Variants in DPY19L4 observed in about 807,000 individuals in gnomAD.
DPY19L4 encodes probable C-mannosyltransferase DPY19L4.
A neutral mutation model predicts 102.8 loss-of-function variants in DPY19L4; 97 were observed. The observed-to-expected ratio is 0.94, with a 90% CI of 0.80 to 1.12. The LOEUF is 1.12. Ranked by LOEUF, DPY19L4 falls within the 50% of genes most tolerant of loss-of-function variation. DPY19L4 has a pLI of 0.00. For synonymous variants in DPY19L4, 252 were observed against 283.1 expected (o/e 0.89, Z 1.10); for missense variants, 815 against 850.4 (o/e 0.96, Z 0.52).
chr8:94,723,880 T>C (rs1199753589), intron 1 of DPY19L4, among the ~76,000 whole-genome samples: 1 of 152,124 alleles, frequency 6.6e-6, no homozygotes, highest in East Asian at 1.9e-4. Context: ...ATTTGTATGG[T>C]CCTTGATCAT....
intron 13 of DPY19L4, among the ~76,000 whole-genome samples, chr8:94,772,570 A>G (rs777445048): frequency 1.5e-4 from 23 of 152,240 alleles, no homozygotes; most frequent in Non-Finnish European, 2.1e-4. Context: ...ACGATGTGTG[A>G]CAGTACACAC....
chr8:94,780,330 T>C, intron 14 of DPY19L4, 29 bp from the exon 15 acceptor site: 1 of 1,437,582 alleles, frequency 7.0e-7, no homozygotes, highest in Non-Finnish European at 9.3e-7. Flanking sequence ...ATGTATTTAT[T>C]TGTAATCCTT....
chr8:94,728,273 C>A (rs36089811), intron 2 of DPY19L4, among the ~76,000 whole-genome samples: 2 of 152,216 alleles, frequency 1.3e-5, no homozygotes, highest in East Asian at 1.9e-4. Context: ...CACATCCCCC[C>A]ACTCTCAGTA....
At chr8:94,781,669 C>A (rs569735217) in intron 16 of DPY19L4, among the ~76,000 whole-genome samples, 2 of 152,178 alleles carry the variant, frequency 1.3e-5, no homozygotes, top group Non-Finnish European at 2.9e-5. Flanking sequence ...GATAGAAGAG[C>A]AAAATACCTA....
chr8:94,765,579 C>T, intron 9 of DPY19L4, 132 bp from the exon 10 acceptor site: 1 of 757,790 alleles, frequency 1.3e-6, no homozygotes, highest in Non-Finnish European at 2.2e-6. Flanking sequence ...CAAGTGATCC[C>T]CTATCTTTGG....
intron 7 of DPY19L4, among the ~76,000 whole-genome samples, chr8:94,761,125 G>A (rs1052553936): frequency 2.0e-5 from 3 of 152,178 alleles, no homozygotes; most frequent in Admixed American, 6.5e-5. Flanking sequence ...ACAGAGAGAA[G>A]TTAACATAAA....
intron 17 of DPY19L4, among the ~76,000 whole-genome samples, chr8:94,787,022 C>A (rs187879712): frequency 2.0e-5 from 3 of 152,100 alleles, no homozygotes; most frequent in Non-Finnish European, 1.5e-5. Context: ...AGGGGTTCTA[C>A]GAGCATCTTG....
At chr8:94,764,385 A>T (rs969383067) in intron 8 of DPY19L4, among the ~76,000 whole-genome samples, 4 of 151,624 alleles carry the variant, frequency 2.6e-5, no homozygotes, top group African/African-American at 9.7e-5. Context: ...GACCATCCTG[A>T]CTAACACGGT....
At chr8:94,788,636 GACGC>G (rs77323108) in intron 18 of DPY19L4, among the ~76,000 whole-genome samples, 38,614 of 139,178 alleles carry the variant, frequency 0.28, 5,977 homozygotes, top group East Asian at 0.75. Context: ...ACCTAAGACT[GACGC>G]ACGCGCGCGC....
At chr8:94,768,695 T>A in intron 12 of DPY19L4, 142 bp downstream of exon 12, 2 of 639,120 alleles carry the variant, frequency 3.1e-6, no homozygotes, top group Non-Finnish European at 4.7e-6. Flanking sequence ...ATGGAAAATA[T>A]CATTATAAGA....
chr8:94,787,862 C>T lies in DPY19L4; in HGVS notation c.1849-32C>T, dbSNP rs1018782015. The T allele has an allele frequency of 1.0e-5, 12 of 1,202,856 alleles. No homozygotes were observed. The African/African-American group carries it at 1.8e-4, about 18-fold the overall frequency. 74.5% of individuals were successfully genotyped at this position (1,202,856 alleles called of 1,614,324 possible). On this transcript the variant is annotated intron_variant, in intron 17 of 18. Transcript: ENST00000414645. The stretch of plus-strand genomic sequence containing the variant: ...CTTTAAATTTTATTTTAATTATATT[C>T]TTTCAGTTTTATTTTAATTATATTC...
intron 6 of DPY19L4, among the ~76,000 whole-genome samples, chr8:94,755,201 G>A (rs1812106377): frequency 6.6e-6 from 1 of 152,146 alleles, no homozygotes; most frequent in Admixed American, 6.6e-5. Flanking sequence ...TATTGAATTA[G>A]ATATCAAAAG....
chr8:94,733,943 C>T (rs1404774540), intron 2 of DPY19L4, among the ~76,000 whole-genome samples: 1 of 152,044 alleles, frequency 6.6e-6, no homozygotes, highest in East Asian at 1.9e-4. Flanking sequence ...TTATTATTAA[C>T]ATTTTACATT....
At chr8:94,763,254 C>CTTTTTT in intron 8 of DPY19L4, among the ~76,000 whole-genome samples, 1 of 104,904 alleles carries the variant, frequency 9.5e-6, no homozygotes, top group East Asian at 3.2e-4. Flanking sequence ...GCCAAGGTAT[C>CTTTTTT]TTTTTTTTTT....
intron 16 of DPY19L4, among the ~76,000 whole-genome samples, chr8:94,782,872 G>A (rs1586425031): frequency 6.6e-6 from 1 of 152,094 alleles, no homozygotes; most frequent in Non-Finnish European, 1.5e-5. Flanking sequence ...TTACATCTCT[G>A]TATGATTTAC....
chr8:94,729,276 A>T (rs1268012257), intron 2 of DPY19L4, among the ~76,000 whole-genome samples: 1 of 151,750 alleles, frequency 6.6e-6, no homozygotes, highest in African/African-American at 2.4e-5. Context: ...GGAGGCTGAG[A>T]CAGGAGAATC....
chr8:94,790,103 G>A lies in DPY19L4; in HGVS notation c.*193G>A, dbSNP rs989773214. On this transcript the variant is annotated 3_prime_UTR_variant, in exon 19 of 19. Coordinates refer to ENST00000414645, the MANE Select transcript of DPY19L4 (RefSeq NM_181787.3). ...GCATTACTGTCCTTTGATTAAATGT[G>A]ATATCTACCACTCTGCAATATTCCA... The A allele has an allele frequency of 5.6e-5, 28 of 497,432 alleles. No homozygotes were observed. Among genetic ancestry groups the A allele is most frequent in the Non-Finnish European group, 1.0e-5 (3 of 288,248 alleles). 30.8% of individuals were successfully genotyped at this position (497,432 alleles called of 1,614,324 possible). A position where few individuals can be genotyped will look rare whatever the true frequency, so the allele number is the denominator to read the frequency against.
chr8:94,721,421 T>C (rs556893558), intron 1 of DPY19L4, among the ~76,000 whole-genome samples: 6 of 152,384 alleles, frequency 3.9e-5, no homozygotes, highest in African/African-American at 1.4e-4. Flanking sequence ...AAAGCTGGTC[T>C]GAATTTAAGA....
At chr8:94,736,368 A>G (rs540480962) in intron 3 of DPY19L4, among the ~76,000 whole-genome samples, 36 of 152,322 alleles carry the variant, frequency 2.4e-4, no homozygotes, top group African/African-American at 8.4e-4. Flanking sequence ...GAGAGTCACA[A>G]TATATAAGAT....
Sources: gnomAD v4.1 joint callset for allele counts (sites outside exome capture counted in the v4.1 genomes callset) on GRCh38, gnomAD v4.1.1 for gene constraint, MANE v1.5 for transcripts, NCBI Gene and HGNC (gene_info 2026-07-23, HGNC 2026-07-21) for gene names.